Variants in PHACTR1 observed in about 807,000 individuals in gnomAD.
PHACTR1 encodes the protein phosphatase and actin regulator 1.
Under a neutral mutation model 69.2 loss-of-function variants are expected in PHACTR1, and 16 were observed. That is an observed-to-expected ratio of 0.23 (90% confidence interval 0.16 to 0.35). PHACTR1 has a LOEUF of 0.35. Among genes scored for constraint, PHACTR1 ranks in the 10% least tolerant of loss-of-function variants. The pLI, the probability that PHACTR1 is intolerant of heterozygous loss-of-function variation, is 1.00. For synonymous variants in PHACTR1, 312 were observed against 284.5 expected (o/e 1.10, Z -0.97); for missense variants, 510 against 734.7 (o/e 0.69, Z 3.54).
chr6:13,114,124 T>C (rs970257043), intron 5 of PHACTR1, among the ~76,000 whole-genome samples: 3 of 152,130 alleles, frequency 2.0e-5, no homozygotes, highest in Admixed American at 6.5e-5. Flanking sequence ...TGCCCCCCAT[T>C]TCCCAGCCTC....
intron 10 of PHACTR1, among the ~76,000 whole-genome samples, chr6:13,244,236 G>A (rs1243314217): frequency 6.6e-6 from 1 of 152,136 alleles, no homozygotes; most frequent in Non-Finnish European, 1.5e-5. Context: ...GCGAATAGGT[G>A]TCGGTGACAG....
At chr6:12,750,026 G>T (rs940691585) in intron 4 of PHACTR1, among the ~76,000 whole-genome samples, 22 of 152,318 alleles carry the variant, frequency 1.4e-4, no homozygotes, top group African/African-American at 5.0e-4. Flanking sequence ...CCCCGGCACG[G>T]GGAGGAGGAA....
At chr6:12,905,559 G>A (rs550303537) in intron 4 of PHACTR1, among the ~76,000 whole-genome samples, 1 of 152,258 alleles carries the variant, frequency 6.6e-6, no homozygotes, top group East Asian at 1.9e-4. Context: ...AGATAGAGGA[G>A]AGTGACAGTT....
At chr6:13,072,812 A>G (rs1484812330) in intron 5 of PHACTR1, among the ~76,000 whole-genome samples, 3 of 152,098 alleles carry the variant, frequency 2.0e-5, no homozygotes, top group South Asian at 2.1e-4. Flanking sequence ...TTGCTTTCCA[A>G]AAAGGTTGTA....
intron 4 of PHACTR1, among the ~76,000 whole-genome samples, chr6:12,865,095 C>T (rs1253287881): frequency 6.6e-6 from 1 of 152,044 alleles, no homozygotes; most frequent in African/African-American, 2.4e-5. Context: ...CTGGGACTAC[C>T]CCAACTTTTA....
At chr6:12,752,552 G>A (rs1348434026) in intron 4 of PHACTR1, among the ~76,000 whole-genome samples, 2 of 152,140 alleles carry the variant, frequency 1.3e-5, no homozygotes, top group Non-Finnish European at 2.9e-5. Context: ...ATAAACCCAT[G>A]TTTGATATTT....
At chr6:12,804,202 T>C (rs1774031585) in intron 4 of PHACTR1, among the ~76,000 whole-genome samples, 1 of 152,218 alleles carries the variant, frequency 6.6e-6, no homozygotes, top group Admixed American at 6.5e-5. Flanking sequence ...ACCAAATGCC[T>C]ATGGAATTAT....
At chr6:12,980,681 C>A (rs1016044715) in intron 4 of PHACTR1, among the ~76,000 whole-genome samples, 1 of 151,982 alleles carries the variant, frequency 6.6e-6, no homozygotes, top group East Asian at 1.9e-4. Context: ...TCTACGAAAA[C>A]TATTTGAGAC....
intron 4 of PHACTR1, among the ~76,000 whole-genome samples, chr6:12,843,527 A>G (rs1778907054): frequency 2.6e-5 from 4 of 152,210 alleles, no homozygotes; most frequent in African/African-American, 9.6e-5. Flanking sequence ...AGAAATACCT[A>G]TCTCTTTTGA....
At chr6:12,829,119 CCAAAA>C (rs1463553473) in intron 4 of PHACTR1, among the ~76,000 whole-genome samples, 7 of 151,994 alleles carry the variant, frequency 4.6e-5, no homozygotes, top group African/African-American at 1.7e-4. Context: ...AATAATGAAA[CCAAAA>C]CAAAACAACA....
intron 4 of PHACTR1, among the ~76,000 whole-genome samples, chr6:12,761,264 G>A (rs146204708): frequency 1.3e-5 from 2 of 152,308 alleles, no homozygotes; most frequent in African/African-American, 2.4e-5. Flanking sequence ...CAAAACTAAG[G>A]CACTAAAATA....
At chr6:12,864,082 G>A (rs1251950459) in intron 4 of PHACTR1, among the ~76,000 whole-genome samples, 7 of 152,290 alleles carry the variant, frequency 4.6e-5, no homozygotes, top group Admixed American at 2.0e-4. Flanking sequence ...CTGGCGTAGA[G>A]TGGTAATAGA....
intron 7 of PHACTR1, among the ~76,000 whole-genome samples, chr6:13,199,362 C>T (rs578219312): frequency 1.1e-3 from 130 of 115,568 alleles, no homozygotes; most frequent in African/African-American, 2.5e-3. Flanking sequence ...CCAGCCTGGG[C>T]GACAAAGTGA....
At chr6:13,016,030 C>G (rs1308090135) in intron 4 of PHACTR1, among the ~76,000 whole-genome samples, 8 of 152,180 alleles carry the variant, frequency 5.3e-5, no homozygotes, top group African/African-American at 1.9e-4. Context: ...CTTTTACTGC[C>G]AGAAACCAAA....
chr6:13,052,374 G>A (rs889767239), intron 4 of PHACTR1, among the ~76,000 whole-genome samples: 2 of 152,198 alleles, frequency 1.3e-5, no homozygotes, highest in Non-Finnish European at 2.9e-5. Context: ...AAGTCTGGAT[G>A]AATTTTTTGA....
chr6:13,004,208 G>A (rs1013084388), intron 4 of PHACTR1, among the ~76,000 whole-genome samples: 18 of 151,620 alleles, frequency 1.2e-4, no homozygotes, highest in Admixed American at 4.6e-4. Context: ...GTTTTCCATA[G>A]AGGTTGTATT....
chr6:13,274,082 C>T (rs1445318511), intron 11 of PHACTR1: 12 of 152,186 alleles, frequency 7.9e-5, no homozygotes, highest in Admixed American at 6.5e-4. Flanking sequence ...TGCTGGGTTC[C>T]GCTTTGGTGG....
rs539505417 is a variant in PHACTR1 at position 12,915,442 on chromosome 6, G to A, written c.251-137923G>A. Reference sequence around the variant, plus strand: ...GAATCGCTTGAACCCAGGAGGCAGAGGTTGCACTGGGCTGAGATCACTCCA... The same window carrying A: ...GAATCGCTTGAACCCAGGAGGCAGAAGTTGCACTGGGCTGAGATCACTCCA... On this transcript the variant is annotated intron_variant, in intron 4 of 14. Coordinates refer to ENST00000332995, the MANE Select transcript of PHACTR1 (RefSeq NM_030948.6). Among the ~76,000 whole-genome samples the A allele has an allele frequency of 2.0e-5, 3 of 151,020 alleles. No homozygotes were observed. In the South Asian group the frequency reaches 6.4e-4, roughly 32 times the overall value.
chr6:12,941,844 A>G (rs909992799), intron 4 of PHACTR1, among the ~76,000 whole-genome samples: 5 of 152,212 alleles, frequency 3.3e-5, no homozygotes, highest in Non-Finnish European at 7.3e-5. Context: ...AAATATGTAA[A>G]GTGAACTCAA....
Sources: allele counts gnomAD v4.1 joint callset (sites outside exome capture counted in the v4.1 genomes callset), GRCh38; gene constraint gnomAD v4.1.1; transcripts MANE v1.5; gene names NCBI Gene and HGNC (gene_info 2026-07-23, HGNC 2026-07-21).